Variants in LRP12 observed in about 807,000 individuals in gnomAD.
LRP12 encodes low-density lipoprotein receptor-related protein 12.
In LRP12, 14 loss-of-function variants were observed where a neutral mutation model predicts 66.0. The ratio of observed to expected loss-of-function variants is 0.21; its 90% CI spans 0.14 to 0.33. The LOEUF is 0.33. LRP12 is among the 10% of genes least tolerant of loss of function. LRP12 has a pLI of 1.00. For missense variants in LRP12, 889 were observed against 1,053.4 expected, an observed-to-expected ratio of 0.84 and a Z score of 2.16; for synonymous variants, 357 against 359.1, an observed-to-expected ratio of 0.99 and a Z score of 0.07.
At chr8:104,588,561 C>T (rs896829324) in intron 1 of LRP12, among the ~76,000 whole-genome samples, 1 of 152,158 alleles carries the variant, frequency 6.6e-6, no homozygotes, top group South Asian at 2.1e-4. Context: ...CCGCCACCCC[C>T]TCGCTCCGCC....
chr8:104,531,499 T>C (rs1185642742), intron 2 of LRP12, among the ~76,000 whole-genome samples: 1 of 152,108 alleles, frequency 6.6e-6, no homozygotes, highest in South Asian at 2.1e-4. Context: ...ATACAATAGT[T>C]ATATGTAGAG....
intron 1 of LRP12, among the ~76,000 whole-genome samples, chr8:104,578,856 G>A (rs1812204774): frequency 6.6e-6 from 1 of 152,056 alleles, no homozygotes. Context: ...ATGCAGAAAG[G>A]GCTTTTGATG....
intron 1 of LRP12, among the ~76,000 whole-genome samples, chr8:104,533,246 TA>T (rs992393549): frequency 6.6e-6 from 1 of 152,120 alleles, no homozygotes; most frequent in African/African-American, 2.4e-5. Context: ...CATTTATTGT[TA>T]AATGTCACAC....
intron 2 of LRP12, among the ~76,000 whole-genome samples, chr8:104,528,741 C>T (rs1811283137): frequency 6.6e-6 from 1 of 151,630 alleles, no homozygotes; most frequent in Admixed American, 6.6e-5. Flanking sequence ...CAACACTGTA[C>T]TCCAGCCTGG....
intron 1 of LRP12, among the ~76,000 whole-genome samples, chr8:104,574,751 T>A (rs2140896597): frequency 6.6e-6 from 1 of 152,348 alleles, no homozygotes; most frequent in Non-Finnish European, 1.5e-5. Context: ...TTTCTACTGA[T>A]CACGTGTTGA....
chr8:104,557,976 A>G (rs996885393), intron 1 of LRP12, among the ~76,000 whole-genome samples: 2 of 152,146 alleles, frequency 1.3e-5, no homozygotes, highest in African/African-American at 4.8e-5. Context: ...CTGGGAGGCC[A>G]AAGCGGGAGG....
chr8:104,548,306 A>G (rs1262671917), intron 1 of LRP12, among the ~76,000 whole-genome samples: 3 of 39,394 alleles, frequency 7.6e-5, no homozygotes, highest in Non-Finnish European at 1.2e-4. Flanking sequence ...TATATAATAT[A>G]TATTATATAA....
At position 104,577,768 on chromosome 8, in the gene LRP12, G is replaced by A. The variant is rs1347633643; in HGVS notation, c.79+11051C>T. On this transcript the variant is annotated intron_variant, in intron 1 of 6. Transcript: ENST00000276654. ...GGAGCTTGCAGTGAGCCAAGACTGCGCCACTGTGCTCCAGCCTGGGTAACA... is the reference window on the plus strand; with the variant it reads ...GGAGCTTGCAGTGAGCCAAGACTGCACCACTGTGCTCCAGCCTGGGTAACA... Among the ~76,000 whole-genome samples, 6 of 137,954 alleles carry A rather than the reference G, an allele frequency of 4.3e-5. No homozygotes were observed. In the East Asian group the frequency reaches 6.3e-4, roughly 14 times the overall value. 90.5% of individuals were successfully genotyped at this position (137,954 alleles called of 152,430 possible).
rs547621200 is a variant in LRP12, at chr8:104,574,113, T to C, written c.79+14706A>G. On this transcript the variant is annotated intron_variant, in intron 1 of 6. Transcript: ENST00000276654. ...TGTTTTACATATAAATCTGACCCTA[T>C]GGTAATTGCAAAAACTAAGACAATG... 3.3e-5 allele frequency among the ~76,000 whole-genome samples: 5 copies of C among 152,266 alleles called. No individual in the cohort carries two copies. In the South Asian group the frequency reaches 6.2e-4, roughly 19 times the overall value.
At position 104,498,037 on chromosome 8, in the gene LRP12, C is replaced by T. The variant is rs781562415; in HGVS notation, c.515G>A (p.Arg172His). The part of the protein sequence containing the change: ...EEPNCACDQF[R>H]CGNGKCIPEA... ...TGGTATACACTTTCCATTACCACAA[C>T]GAAACTGATCACAAGCACAATTTGG... The change falls in exon 5 of 7, where the codon CGT becomes CAT. Residue 172 changes from arginine to histidine, a missense_variant. By Grantham distance (29) the Arg-to-His change is conservative. This residue lies in a region of LRP12 where 800 missense variants were observed against 964.5 expected (regional missense o/e 0.83). Coordinates refer to ENST00000276654, the MANE Select transcript of LRP12 (RefSeq NM_013437.5). The T allele has an allele frequency of 1.9e-5, 31 of 1,608,446 alleles. No homozygotes were observed. The highest frequency in any genetic ancestry group is 2.2e-5 in the East Asian group (1 of 44,834).
chr8:104,548,811 GT>G (rs1229876045), intron 1 of LRP12, among the ~76,000 whole-genome samples: 1 of 151,562 alleles, frequency 6.6e-6, no homozygotes, highest in Non-Finnish European at 1.5e-5. Flanking sequence ...GGGTGTGGTG[GT>G]GCATGCCTGT....
At chr8:104,491,818 A>G (rs537310426) in intron 6 of LRP12, among the ~76,000 whole-genome samples, 21 of 152,334 alleles carry the variant, frequency 1.4e-4, no homozygotes, top group Non-Finnish European at 1.2e-4. Context: ...AATGTAAATT[A>G]TAACAGTTGT....
At chr8:104,579,935 G>A (rs566899631) in intron 1 of LRP12, among the ~76,000 whole-genome samples, 1 of 152,142 alleles carries the variant, frequency 6.6e-6, no homozygotes, top group South Asian at 2.1e-4. Context: ...AACTCAAGAC[G>A]GATTGAAGAC....
intron 1 of LRP12, among the ~76,000 whole-genome samples, chr8:104,563,784 C>G (rs955537248): frequency 6.6e-6 from 1 of 152,122 alleles, no homozygotes; most frequent in African/African-American, 2.4e-5. Context: ...TACCAGACAT[C>G]AAATCTGCCA....
chr8:104,562,499 C>T (rs956715743), intron 1 of LRP12, among the ~76,000 whole-genome samples: 1 of 152,110 alleles, frequency 6.6e-6, no homozygotes, highest in African/African-American at 2.4e-5. Context: ...ACAAACCCAT[C>T]AGCAAAGATC....
Position 104,556,811 on chromosome 8 carries a change from C to T in LRP12, c.80-24848G>A, listed in dbSNP as rs80238839. Among the ~76,000 whole-genome samples, 1,354 of 151,906 alleles carry T rather than the reference C, an allele frequency of 8.9e-3. 6 individuals carry two copies. The highest frequency in any genetic ancestry group is 0.025 in the South Asian group (118 of 4,806). ...ATAACAAAACCAGGGAAGGACATAA[C>T]AAAGAAAACTACAGACCAATATCCC... On this transcript the variant is annotated intron_variant, in intron 1 of 6. Coordinates refer to ENST00000276654, the MANE Select transcript of LRP12 (RefSeq NM_013437.5).
In LRP12 at chr8:104,490,815, G is replaced by A. The variant is rs1366653462; in HGVS notation, c.2438C>T (p.Thr813Ile). 1 of 1,614,012 alleles carries A rather than the reference G, an allele frequency of 6.2e-7. No homozygotes were observed. Among genetic ancestry groups the A allele is most frequent in the Non-Finnish European group, 8.5e-7 (1 of 1,180,018 alleles). ...ATTACTTGGCCTTACTCCAGGATTT[G>A]TTGCATTATATGGTTGTCTAAGCCC... ...GQGLRQPYNA[T>I]NPGVRPSNRD... The change falls in exon 7 of 7, where the codon ACA (threonine) becomes ATA (isoleucine). Residue 813 changes from threonine (T) to isoleucine (I), a missense_variant. This residue lies in a region of LRP12 where 800 missense variants were observed against 964.5 expected (regional missense o/e 0.83). Coordinates refer to ENST00000276654, the MANE Select transcript of LRP12 (RefSeq NM_013437.5).
At chr8:104,535,961 G>A (rs1811387792) in intron 1 of LRP12, among the ~76,000 whole-genome samples, 1 of 152,070 alleles carries the variant, frequency 6.6e-6, no homozygotes, top group South Asian at 2.1e-4. Context: ...TTAAATGACT[G>A]TCAGCTACAA....
intron 1 of LRP12, among the ~76,000 whole-genome samples, chr8:104,547,139 T>C (rs904463956): frequency 2.1e-5 from 3 of 144,944 alleles, no homozygotes; most frequent in Non-Finnish European, 4.5e-5. Flanking sequence ...TTGTATATAA[T>C]ATACAATTCT....
Sources: gnomAD v4.1 joint callset for allele counts (sites outside exome capture counted in the v4.1 genomes callset) on GRCh38, gnomAD v4.1.1 for gene constraint, gnomAD v4.1.1 regional missense constraint, MANE v1.5 for transcripts, NCBI Gene and HGNC (gene_info 2026-07-23, HGNC 2026-07-21) for gene names.